Variants in TBC1D5 observed in about 807,000 individuals in gnomAD.
TBC1D5 encodes the protein TBC1 domain family, member 5.
A neutral mutation model predicts 100.3 loss-of-function variants in TBC1D5; 75 were observed. The observed-to-expected ratio is 0.75, with a 90% CI of 0.62 to 0.91. TBC1D5 has a LOEUF of 0.91. TBC1D5 is among the 40% of genes least tolerant of loss of function. The pLI is 0.00. For synonymous variants in TBC1D5, 323 were observed against 325.6 expected (o/e 0.99, Z 0.09); for missense variants, 910 against 942.4 (o/e 0.97, Z 0.45).
Position 17,637,188 on chromosome 3 carries a change from A to ATT in TBC1D5, c.-100-13277_-100-13276dup, listed in dbSNP as rs1186523023. Among the ~76,000 whole-genome samples, 171 of 95,480 alleles carry ATT rather than the reference A, an allele frequency of 1.8e-3. 4 individuals carry two copies. The highest frequency in any genetic ancestry group is 5.8e-3 in the African/African-American group (121 of 20,736). The allele number at this position is 95,480 out of a possible 152,430, so 62.6% of individuals were successfully genotyped here. On this transcript the variant is annotated intron_variant, in intron 1 of 21. Coordinates refer to ENST00000253692, the Ensembl canonical transcript of TBC1D5. ...GGGTGTGTGCCACCATGCCCGACTA[A>ATT]TTTTTTTTTTTTTTTTTTTTTTTTT...
chr3:17,489,010 C>T (rs184237774), intron 3 of TBC1D5, among the ~76,000 whole-genome samples: 25 of 151,250 alleles, frequency 1.7e-4, no homozygotes, highest in South Asian at 8.5e-4. Flanking sequence ...CATCCCCCAC[C>T]GGACTCCGGT....
At chr3:17,631,038 C>T (rs534940689) in intron 1 of TBC1D5, among the ~76,000 whole-genome samples, 1,068 of 97,320 alleles carry the variant, frequency 0.011, 14 homozygotes, top group Middle Eastern at 0.019. Context: ...AGTGAGACTC[C>T]GTCTCAAAAA....
At chr3:17,428,400 TGTG>T (rs1559865228) in intron 4 of TBC1D5, 47 bp downstream of exon 4, 1 of 463,004 alleles carries the variant, frequency 2.2e-6, no homozygotes, top group Non-Finnish European at 3.2e-6. Flanking sequence ...ATTATATGTG[TGTG>T]TGTGTGTGTA....
intron 2 of TBC1D5, among the ~76,000 whole-genome samples, chr3:17,614,574 T>C (rs2061968678): frequency 6.6e-6 from 1 of 152,210 alleles, no homozygotes; most frequent in Non-Finnish European, 1.5e-5. Context: ...GAGCAGTGGT[T>C]TGTAGTTCTC....
At chr3:17,618,775 G>A (rs1359053095) in intron 2 of TBC1D5, among the ~76,000 whole-genome samples, 3 of 152,230 alleles carry the variant, frequency 2.0e-5, no homozygotes, top group African/African-American at 7.2e-5. Flanking sequence ...GTATTTGGGT[G>A]GGAGTGTCCC....
intron 4 of TBC1D5, among the ~76,000 whole-genome samples, chr3:17,416,048 G>A (rs2094059881): frequency 1.3e-5 from 2 of 152,162 alleles, no homozygotes; most frequent in Admixed American, 6.5e-5. Flanking sequence ...GAAACCTGAT[G>A]TCCTAATTAA....
intron 2 of TBC1D5, among the ~76,000 whole-genome samples, chr3:17,514,072 A>C (rs1426759746): frequency 1.3e-5 from 2 of 152,158 alleles, no homozygotes; most frequent in Non-Finnish European, 2.9e-5. Flanking sequence ...AAAACAAAGA[A>C]AGACAAAGAG....
chr3:17,429,136 TATA>T (rs1376937734), intron 3 of TBC1D5, among the ~76,000 whole-genome samples: 2 of 152,022 alleles, frequency 1.3e-5, no homozygotes, highest in Non-Finnish European at 2.9e-5. Flanking sequence ...ATTTGTCTTC[TATA>T]ATAATATCAA....
Position 17,694,446 on chromosome 3 carries a change from G to A in TBC1D5, c.-101+44897C>T, listed in dbSNP as rs551220711. Among the ~76,000 whole-genome samples the A allele has an allele frequency of 4.6e-5, 7 of 152,274 alleles. No homozygotes were observed. In the East Asian group the frequency reaches 5.8e-4, roughly 13 times the overall value. On this transcript the variant is annotated intron_variant, in intron 1 of 21. Transcript: ENST00000253692. ...AACCATGGCATGAGAACTACGCAAC[G>A]CATGCACAAGCGTCAACAGCCGATT...
intron 13 of TBC1D5, among the ~76,000 whole-genome samples, chr3:17,338,202 G>A (rs1278815263): frequency 6.6e-6 from 1 of 152,142 alleles, no homozygotes; most frequent in Admixed American, 6.5e-5. Flanking sequence ...TTTTTATTCT[G>A]AGAATTTTGG....
intron 1 of TBC1D5, chr3:17,702,082 A>C (rs2073297346): frequency 6.6e-6 from 1 of 152,184 alleles, no homozygotes; most frequent in Non-Finnish European, 1.5e-5. Flanking sequence ...GTCTTATATT[A>C]GCTAAGGCTG....
intron 2 of TBC1D5, among the ~76,000 whole-genome samples, chr3:17,561,421 C>T (rs181656781): frequency 2.4e-4 from 37 of 152,196 alleles, no homozygotes; most frequent in African/African-American, 8.2e-4. Flanking sequence ...AATGAGCCAG[C>T]ACTTATCTTA....
chr3:17,441,422 T>C (rs2094653004), intron 3 of TBC1D5, among the ~76,000 whole-genome samples: 1 of 152,174 alleles, frequency 6.6e-6, no homozygotes, highest in South Asian at 2.1e-4. Context: ...ATATCTGATT[T>C]TGGATTCTAA....
chr3:17,687,689 T>G (rs947271583), intron 1 of TBC1D5, among the ~76,000 whole-genome samples: 2 of 152,176 alleles, frequency 1.3e-5, no homozygotes, highest in African/African-American at 4.8e-5. Context: ...TTGCAGCTAA[T>G]CTACCTACAT....
chr3:17,667,455 T>G (rs2067393325), intron 1 of TBC1D5, among the ~76,000 whole-genome samples: 1 of 152,032 alleles, frequency 6.6e-6, no homozygotes, highest in Non-Finnish European at 1.5e-5. Flanking sequence ...AAGAAAAAAT[T>G]TTTTTTCTTT....
intron 1 of TBC1D5, among the ~76,000 whole-genome samples, chr3:17,648,168 A>G (rs185623829): frequency 2.0e-5 from 3 of 152,294 alleles, no homozygotes; most frequent in African/African-American, 4.8e-5. Flanking sequence ...GAGCCAAGAA[A>G]TAGGGCCGCA....
At chr3:17,500,411 A>G (rs1368410325) in intron 3 of TBC1D5, among the ~76,000 whole-genome samples, 8 of 149,650 alleles carry the variant, frequency 5.3e-5, no homozygotes, top group African/African-American at 7.6e-5. Flanking sequence ...GCGTAAGAAT[A>G]TTCTTCGCCA....
At chr3:17,545,221 T>C (rs533548451) in intron 2 of TBC1D5, among the ~76,000 whole-genome samples, 9 of 152,154 alleles carry the variant, frequency 5.9e-5, no homozygotes, top group African/African-American at 9.7e-5. Flanking sequence ...CCAAGTTAAA[T>C]TGTCATTAAG....
intron 14 of TBC1D5, among the ~76,000 whole-genome samples, chr3:17,301,649 G>C (rs2082854413): frequency 6.6e-6 from 1 of 152,180 alleles, no homozygotes; most frequent in African/African-American, 2.4e-5. Context: ...AATAGAGTAT[G>C]ACTAATGTAG....
Sources: gnomAD v4.1 joint callset for allele counts (sites outside exome capture counted in the v4.1 genomes callset) on GRCh38, gnomAD v4.1.1 for gene constraint, MANE v1.5 for transcripts, NCBI Gene and HGNC (gene_info 2026-07-23, HGNC 2026-07-21) for gene names.